The following EPHA3 variants were observed in gnomAD, a reference collection of about 807,000 sequenced individuals.
The protein encoded by EPHA3 is EPH receptor A3.
EPHA3 carries 42 observed loss-of-function variants against 107.1 expected under a neutral mutation model. That is an observed-to-expected ratio of 0.39 (90% CI 0.31 to 0.51). EPHA3 has a LOEUF of 0.51. Among genes scored for constraint, EPHA3 ranks in the 20% least tolerant of loss-of-function variants. EPHA3 has a pLI of 0.78. For missense variants in EPHA3, 1,183 were observed against 1,211.2 expected (o/e 0.98, Z 0.35); for synonymous variants, 461 against 424.8 (o/e 1.09, Z -1.05).
At chr3:89,379,925 GC>G (rs1708467795) in intron 5 of EPHA3, among the ~76,000 whole-genome samples, 1 of 152,030 alleles carries the variant, frequency 6.6e-6, no homozygotes, top group Non-Finnish European at 1.5e-5. Context: ...CTGGGATTTT[GC>G]CCCCTTAAAG....
intron 2 of EPHA3, among the ~76,000 whole-genome samples, chr3:89,152,561 A>T (rs1704712209): frequency 6.6e-6 from 1 of 152,204 alleles, no homozygotes; most frequent in Non-Finnish European, 1.5e-5. Context: ...TATATTTTTT[A>T]AAATGCTGGA....
intron 3 of EPHA3, among the ~76,000 whole-genome samples, chr3:89,228,454 G>T (rs1182834917): frequency 6.6e-6 from 1 of 151,836 alleles, no homozygotes; most frequent in South Asian, 2.1e-4. Flanking sequence ...GTCATTCAAC[G>T]TGTTAGGGAA....
intron 3 of EPHA3, among the ~76,000 whole-genome samples, chr3:89,271,306 G>C (rs1336628687): frequency 6.6e-6 from 1 of 152,070 alleles, no homozygotes; most frequent in East Asian, 1.9e-4. Context: ...GCAATGTAAA[G>C]TGGGGTTTGT....
intron 2 of EPHA3, among the ~76,000 whole-genome samples, chr3:89,154,507 A>G (rs528106889): frequency 6.6e-6 from 1 of 152,016 alleles, no homozygotes; most frequent in South Asian, 2.1e-4. Context: ...AATAATTTCA[A>G]AAATACTGAT....
intron 5 of EPHA3, among the ~76,000 whole-genome samples, chr3:89,353,306 C>T (rs549650063): frequency 9.9e-5 from 15 of 151,368 alleles, no homozygotes; most frequent in African/African-American, 2.7e-4. Context: ...CATTTTTCAG[C>T]GCCAATGTAG....
chr3:89,234,746 C>T (rs1704713905), intron 3 of EPHA3, among the ~76,000 whole-genome samples: 1 of 145,220 alleles, frequency 6.9e-6, no homozygotes, highest in Admixed American at 6.9e-5. Context: ...TCCTTCTTTC[C>T]TTCCCTTCCC....
intron 2 of EPHA3, among the ~76,000 whole-genome samples, chr3:89,139,797 C>T (rs1008099365): frequency 1.3e-5 from 2 of 151,682 alleles, no homozygotes; most frequent in African/African-American, 4.8e-5. Context: ...TTCATTCCTC[C>T]TCTCTGTGGA....
intron 2 of EPHA3, 21 bp downstream of exon 2, chr3:89,127,294 C>T (rs748642502): frequency 1.3e-6 from 2 of 1,583,906 alleles, no homozygotes; most frequent in South Asian, 2.2e-5. Context: ...TAAACTATCA[C>T]AAGGAAACAT....
intron 9 of EPHA3, among the ~76,000 whole-genome samples, chr3:89,410,307 G>A (rs1320082728): frequency 6.6e-6 from 1 of 151,694 alleles, no homozygotes; most frequent in Non-Finnish European, 1.5e-5. Flanking sequence ...TTGCATATAG[G>A]TATCCATCAT....
At chr3:89,399,278 G>A in intron 6 of EPHA3, 40 bp from the exon 7 acceptor site, 1 of 1,567,928 alleles carries the variant, frequency 6.4e-7, no homozygotes, top group African/African-American at 1.4e-5. Context: ...GCATTATGAA[G>A]ATTTGATTTT....
chr3:89,296,004 T>G (rs1298606126), intron 3 of EPHA3, among the ~76,000 whole-genome samples: 1 of 152,218 alleles, frequency 6.6e-6, no homozygotes, highest in Non-Finnish European at 1.5e-5. Context: ...ACTGAAGTTT[T>G]ATCATAAGAT....
intron 6 of EPHA3, among the ~76,000 whole-genome samples, chr3:89,398,196 G>T (rs2107506834): frequency 6.6e-6 from 1 of 152,256 alleles, no homozygotes; most frequent in South Asian, 2.1e-4. Context: ...TCTCGTTTTG[G>T]TTGAGGATAT....
intron 3 of EPHA3, among the ~76,000 whole-genome samples, chr3:89,311,553 GAT>G (rs926877003): frequency 3.7e-4 from 56 of 152,112 alleles, no homozygotes; most frequent in African/African-American, 1.3e-3. Context: ...ATTGAGTCAA[GAT>G]ATTTTCAGAA....
chr3:89,202,269 C>T (rs551655135), intron 2 of EPHA3, among the ~76,000 whole-genome samples: 6 of 151,828 alleles, frequency 4.0e-5, no homozygotes, highest in Non-Finnish European at 7.4e-5. Context: ...CCGAGGCAGG[C>T]GGATCACTTG....
At chr3:89,242,802 G>A (rs1704935605) in intron 3 of EPHA3, among the ~76,000 whole-genome samples, 1 of 151,526 alleles carries the variant, frequency 6.6e-6, no homozygotes, top group Admixed American at 6.6e-5. Context: ...TGTGCACAAC[G>A]TGCAGGTTAG....
intron 2 of EPHA3, 120 bp from the exon 3 acceptor site, chr3:89,209,740 A>G (rs1417955872): frequency 1.2e-6 from 1 of 855,248 alleles, no homozygotes; most frequent in Non-Finnish European, 1.7e-6. Flanking sequence ...AACTACAAAC[A>G]AGAATGTTTT....
At chr3:89,192,923 CT>C (rs1705752992) in intron 2 of EPHA3, among the ~76,000 whole-genome samples, 1 of 151,944 alleles carries the variant, frequency 6.6e-6, no homozygotes. Context: ...TAAATAATCA[CT>C]TGTAAAATTT....
intron 3 of EPHA3, among the ~76,000 whole-genome samples, chr3:89,332,910 T>G (rs1707318880): frequency 6.6e-6 from 1 of 151,774 alleles, no homozygotes; most frequent in Non-Finnish European, 1.5e-5. Flanking sequence ...TAGGACCATG[T>G]TTCTTCTAAA....
intron 3 of EPHA3, among the ~76,000 whole-genome samples, chr3:89,263,009 C>G (rs1242646544): frequency 1.6e-5 from 2 of 127,368 alleles, no homozygotes. Context: ...TTTAAGTTCT[C>G]GGATACATGT....
Sources: gnomAD v4.1 joint callset for allele counts (sites outside exome capture counted in the v4.1 genomes callset) on GRCh38, gnomAD v4.1.1 for gene constraint, MANE v1.5 for transcripts, NCBI Gene and HGNC (gene_info 2026-07-23, HGNC 2026-07-21) for gene names.